MICAL2: variants seen among roughly 807,000 people sequenced by gnomAD.
MICAL2 encodes [F-actin]-monooxygenase MICAL2.
Under a neutral mutation model 127.3 loss-of-function variants are expected in MICAL2, and 77 were observed. The observed-to-expected ratio is 0.60, with a 90% CI of 0.50 to 0.73. MICAL2 has a LOEUF of 0.73. Ranked by LOEUF, MICAL2 falls within the 30% of genes least tolerant of loss-of-function variation. The probability of loss-of-function intolerance (pLI) is 0.00; values close to 1 mark genes in which losing one functional copy is unlikely to be tolerated. For synonymous variants in MICAL2, 570 were observed against 551.1 expected (o/e 1.03, Z -0.48); for missense variants, 1,351 against 1,434.4 (o/e 0.94, Z 0.94).
intron 2 of MICAL2, among the ~76,000 whole-genome samples, chr11:12,149,871 A>G (rs1327828378): frequency 1.3e-5 from 2 of 152,192 alleles, no homozygotes; most frequent in Non-Finnish European, 2.9e-5. Flanking sequence ...GTTGAACTGT[A>G]GGAGTGTTAC....
In MICAL2 at chr11:12,242,370, A is replaced by T; in HGVS notation, c.2494A>T (p.Arg832Trp). The T allele has an allele frequency of 5.0e-6, 8 of 1,613,980 alleles. No individual in the cohort carries two copies. Among genetic ancestry groups the T allele is most frequent in the Non-Finnish European group, 5.1e-6 (6 of 1,179,926 alleles). ...CGCTACCCTGCCTTCTACCCGCCCG[A>T]GGGCGCAGGCTCTTTCCGGGGTGCT... The part of the protein sequence containing the change: ...NFATLPSTRP[R>W]AQALSGVLWR... The change falls in exon 19 of 28, where the codon AGG (arginine) becomes TGG (tryptophan). Residue 832 changes from arginine (R) to tryptophan (W), a missense_variant. Physicochemically the swap from Arg to Trp is moderately radical, Grantham distance 101. Around this residue, in one of 2 missense-constraint regions of MICAL2, gnomAD observed 752 missense variants for 719.4 expected, o/e 1.05. Coordinates refer to ENST00000683283, the MANE Select transcript of MICAL2 (RefSeq NM_001282663.2).
At position 12,171,496 on chromosome 11, in the gene MICAL2, T is replaced by G. The variant is rs115968890; in HGVS notation, c.264+9077T>G. On this transcript the variant is annotated intron_variant, in intron 3 of 27. Transcript: ENST00000683283. ...TCAGTGTATTCCTTGACCAGATAAT[T>G]GTCCCACTTGATGTGAATGTATCTG... 1.8e-3 allele frequency among the ~76,000 whole-genome samples: 272 copies of G among 152,352 alleles called. 1 individual carries two copies. The highest frequency in any genetic ancestry group is 6.2e-3 in the African/African-American group (257 of 41,582).
intron 2 of MICAL2, among the ~76,000 whole-genome samples, chr11:12,159,475 C>A (rs1168015855): frequency 6.6e-6 from 1 of 152,196 alleles, no homozygotes; most frequent in East Asian, 1.9e-4. Context: ...TGCCGTCATC[C>A]ACGTTTCTTG....
In MICAL2 at chr11:12,242,078, G is replaced by A. The variant is rs1043299862; in HGVS notation, c.2338-136G>A. 1.0e-5 allele frequency: 7 copies of A among 679,116 alleles called. No homozygotes were observed. The African/African-American group carries it at 1.1e-4, about 11-fold the overall frequency. The allele number at this position is 679,116 out of a possible 1,614,324, so 42.1% of individuals were successfully genotyped here. ...TGCAGGTGGTGGAGAGTCAACACCT[G>A]GGGCTAGTTTGGAATCTTACTTAGG... On this transcript the variant is annotated intron_variant, in intron 18 of 27. Transcript: ENST00000683283.
chr11:12,159,964 T>C (rs753770629), intron 2 of MICAL2, among the ~76,000 whole-genome samples: 6 of 152,168 alleles, frequency 3.9e-5, no homozygotes, highest in Non-Finnish European at 7.4e-5. Flanking sequence ...TCTACTGAAG[T>C]TGCTGAGTGT....
chr11:12,274,916 TG>T (rs1863708247), upstream of MICAL2, among the ~76,000 whole-genome samples: 1 of 150,822 alleles, frequency 6.6e-6, no homozygotes, highest in Non-Finnish European at 1.5e-5. Context: ...ACTGTGGGGG[TG>T]GGGCACAGCA....
At chr11:12,115,978 C>CTTTT (rs1201204008) in intron 1 of MICAL2, among the ~76,000 whole-genome samples, 1 of 134,690 alleles carries the variant, frequency 7.4e-6, no homozygotes, top group Non-Finnish European at 1.6e-5. Flanking sequence ...CTTTCCCTTT[C>CTTTT]TTTTTTTTTT....
chr11:12,169,214 GA>G (rs1195817412), intron 3 of MICAL2, among the ~76,000 whole-genome samples: 5 of 86,550 alleles, frequency 5.8e-5, no homozygotes, highest in South Asian at 1.1e-3. Flanking sequence ...TTCTTAATGG[GA>G]AAAAAAAATC....
chr11:12,175,475 C>T (rs923834372), intron 3 of MICAL2, among the ~76,000 whole-genome samples: 4 of 150,874 alleles, frequency 2.7e-5, no homozygotes, highest in Non-Finnish European at 2.9e-5. Context: ...GACTCTGGGT[C>T]GAAAACAAAA....
chr11:12,287,340 G>A, downstream of MICAL2: 1 of 384,280 alleles, frequency 2.6e-6, no homozygotes, highest in Non-Finnish European at 4.6e-6. Context: ...TGACTAGAGG[G>A]AGCCTTTTCC....
At chr11:12,261,467 C>T (rs117452478) in intron 26 of MICAL2, 123 of 985,476 alleles carry the variant, frequency 1.2e-4, no homozygotes, top group East Asian at 3.4e-4. Flanking sequence ...CCCTACTCCA[C>T]GCTGCCTAGA....
chr11:12,131,799 C>T (rs924650618), intron 1 of MICAL2, among the ~76,000 whole-genome samples: 2 of 152,124 alleles, frequency 1.3e-5, no homozygotes, highest in Non-Finnish European at 2.9e-5. Context: ...TTTCATTTCT[C>T]TGAGTCTCAT....
chr11:12,342,353 A>G lies in MICAL2; in HGVS notation c.5516-7485A>G, dbSNP rs1365633453. On this transcript the variant is annotated intron_variant, in intron 32 of 34. Transcript: ENST00000646065. ...GGTACCAGGTGCTTGTGTCTTCCCAAGAAGTGCGGATGATCTACGCAGCCA... is the reference window on the plus strand; with the variant it reads ...GGTACCAGGTGCTTGTGTCTTCCCAGGAAGTGCGGATGATCTACGCAGCCA... 2.0e-5 allele frequency among the ~76,000 whole-genome samples: 3 copies of G among 152,242 alleles called. No individual in the cohort carries two copies. In the East Asian group the frequency reaches 5.8e-4, roughly 29 times the overall value.
At chr11:12,256,563 C>T (rs1331601899) in intron 23 of MICAL2, 14 of 449,012 alleles carry the variant, frequency 3.1e-5, no homozygotes, top group East Asian at 1.1e-4. Context: ...CTTGTTGTCT[C>T]GGGCCTGTCT....
At chr11:12,301,582 G>T (rs985719140) in intron 29 of MICAL2, among the ~76,000 whole-genome samples, 5 of 152,168 alleles carry the variant, frequency 3.3e-5, no homozygotes, top group Non-Finnish European at 5.9e-5. Context: ...ACATGCTATT[G>T]CAATAAGATA....
chr11:12,237,386 G>A (rs539424804), intron 16 of MICAL2, among the ~76,000 whole-genome samples: 115 of 152,296 alleles, frequency 7.6e-4, no homozygotes, highest in African/African-American at 2.7e-3. Context: ...GACACAGAGA[G>A]GAAGCGGAGA....
intron 29 of MICAL2, among the ~76,000 whole-genome samples, chr11:12,317,589 C>G (rs900463580): frequency 1.3e-5 from 2 of 152,116 alleles, no homozygotes; most frequent in African/African-American, 4.8e-5. Flanking sequence ...GATCAGGAGT[C>G]GAAACCAGCC....
chr11:12,326,520 G>A (rs767923331), intron 31 of MICAL2, among the ~76,000 whole-genome samples: 2 of 152,154 alleles, frequency 1.3e-5, no homozygotes, highest in Non-Finnish European at 2.9e-5. Context: ...CCCCTAACAA[G>A]TTAAACATCT....
At chr11:12,194,304 C>T (rs1859594674) in intron 3 of MICAL2, among the ~76,000 whole-genome samples, 2 of 152,228 alleles carry the variant, frequency 1.3e-5, no homozygotes, top group South Asian at 4.1e-4. Context: ...TGAATAGCTA[C>T]AGCTGTAAGA....
Sources: allele counts gnomAD v4.1 joint callset (sites outside exome capture counted in the v4.1 genomes callset), GRCh38; gene constraint gnomAD v4.1.1; regional missense constraint gnomAD v4.1.1; transcripts MANE v1.5; gene names NCBI Gene and HGNC (gene_info 2026-07-23, HGNC 2026-07-21).